Variants in CDC25C observed in about 807,000 individuals in gnomAD.
The protein encoded by CDC25C is M-phase inducer phosphatase 3.
CDC25C carries 48 observed loss-of-function variants against 52.5 expected under a neutral mutation model. The observed-to-expected ratio is 0.91, with a 90% CI of 0.72 to 1.16. The LOEUF (loss-of-function observed/expected upper bound fraction) is 1.16. Ranked by LOEUF, CDC25C falls within the 50% of genes most tolerant of loss-of-function variation. CDC25C has a pLI of 0.00. For missense variants in CDC25C, 510 were observed against 566.1 expected (o/e 0.90, Z 1.01); for synonymous variants, 187 against 206.5 (o/e 0.91, Z 0.81).
chr5:138,327,867 C>CTT (rs775143862), intron 4 of CDC25C, among the ~76,000 whole-genome samples: 4 of 142,522 alleles, frequency 2.8e-5, no homozygotes, highest in Non-Finnish European at 3.1e-5. Context: ...TCTGTACTTT[C>CTT]TTTTTTTTTT....
chr5:138,307,563 A>G (rs142864551), intron 7 of CDC25C, among the ~76,000 whole-genome samples: 234 of 151,984 alleles, frequency 1.5e-3, no homozygotes, highest in Non-Finnish European at 2.7e-3. Context: ...CATAAGAGTT[A>G]CAATCTAAGA....
At position 138,331,637 on chromosome 5, in the gene CDC25C, G is replaced by A. The variant is rs1205969289; in HGVS notation, c.-81C>T. On this transcript the variant is annotated 5_prime_UTR_variant, in exon 1 of 14. Transcript: ENST00000323760. ...AGGCTTGCCTACAAGAGGAGAGAAA[G>A]TAGATAGGGATCGGACACAGGCGAA... 4.0e-6 allele frequency: 4 copies of A among 1,005,464 alleles called. No individual in the cohort carries two copies. In the African/African-American group the frequency reaches 7.0e-5, roughly 17 times the overall value. The allele number at this position is 1,005,464 out of a possible 1,614,324, so 62.3% of individuals were successfully genotyped here.
chr5:138,306,031 C>G (rs1773250481), intron 7 of CDC25C, among the ~76,000 whole-genome samples: 1 of 152,180 alleles, frequency 6.6e-6, no homozygotes, highest in South Asian at 2.1e-4. Context: ...TGGCAGGGTG[C>G]CAGTAACGGT....
chr5:138,326,060 G>C lies in CDC25C; in HGVS notation c.336-6C>G, dbSNP rs368825031. 20 of 1,614,010 alleles carry C rather than the reference G, an allele frequency of 1.2e-5. No individual in the cohort carries two copies. The highest frequency in any genetic ancestry group is 1.6e-5 in the Non-Finnish European group (19 of 1,179,980). On this transcript the variant is annotated splice_region_variant and splice_polypyrimidine_tract_variant and intron_variant, in intron 4 of 13. Transcript: ENST00000323760. ...TTAGGTGCTGGTCATGATTCCTGCA[G>C]ATTAAAACAAACTGCCTGTCAGGTT...
At chr5:138,289,163 C>T (rs1315797046) in intron 10 of CDC25C, among the ~76,000 whole-genome samples, 5 of 152,028 alleles carry the variant, frequency 3.3e-5, no homozygotes, top group East Asian at 1.9e-4. Flanking sequence ...GATGGGGTTT[C>T]GCCATGTTGG....
intron 7 of CDC25C, among the ~76,000 whole-genome samples, chr5:138,305,335 T>C (rs1444125605): frequency 6.6e-6 from 1 of 152,248 alleles, no homozygotes; most frequent in Non-Finnish European, 1.5e-5. Context: ...GATTTCCTTT[T>C]GTTAGCCTCT....
At chr5:138,294,554 G>T (rs1261082058) in intron 7 of CDC25C, among the ~76,000 whole-genome samples, 2 of 146,988 alleles carry the variant, frequency 1.4e-5, no homozygotes, top group African/African-American at 5.1e-5. Flanking sequence ...ACCCAGGCTG[G>T]AGTGCAGTGG....
chr5:138,306,609 G>C (rs1758018894), intron 7 of CDC25C, among the ~76,000 whole-genome samples: 1 of 152,002 alleles, frequency 6.6e-6, no homozygotes, highest in African/African-American at 2.4e-5. Context: ...CCAAGTAGCT[G>C]AGATTACAGG....
chr5:138,303,631 A>G (rs1757791267), intron 7 of CDC25C, among the ~76,000 whole-genome samples: 1 of 152,118 alleles, frequency 6.6e-6, no homozygotes. Flanking sequence ...TCGCTCTTTC[A>G]GATGTCTGCT....
chr5:138,300,318 C>T (rs368261321), intron 7 of CDC25C, among the ~76,000 whole-genome samples: 7 of 152,254 alleles, frequency 4.6e-5, no homozygotes, highest in East Asian at 1.9e-4. Flanking sequence ...CATCTCTGCA[C>T]GTTGTGAGGC....
chr5:138,294,380 CG>C (rs1757009596), intron 7 of CDC25C, among the ~76,000 whole-genome samples: 1 of 148,308 alleles, frequency 6.7e-6, no homozygotes, highest in Non-Finnish European at 1.5e-5. Context: ...TTAGTAGAGA[CG>C]GGGTTTCACC....
At chr5:138,338,133 C>T (rs1309699541) in exon 1 of CDC25C, 20 of 1,289,700 alleles carry the variant, frequency 1.6e-5, no homozygotes, top group Admixed American at 4.6e-5. Flanking sequence ...GAGAGAGACA[C>T]GACACGGAGC....
At chr5:138,293,251 C>A (rs1005113643) in intron 7 of CDC25C, among the ~76,000 whole-genome samples, 2 of 152,152 alleles carry the variant, frequency 1.3e-5, no homozygotes, top group Admixed American at 1.3e-4. Flanking sequence ...TGGTTGAACA[C>A]ATCTATTTAG....
upstream of CDC25C, chr5:138,332,067 C>T (rs965966250): frequency 5.6e-5 from 11 of 196,320 alleles, no homozygotes; most frequent in Non-Finnish European, 7.4e-5. Flanking sequence ...GGGAGCCTGG[C>T]GCATCATTGG....
chr5:138,330,709 A>G (rs925829000), intron 2 of CDC25C, among the ~76,000 whole-genome samples: 2 of 152,176 alleles, frequency 1.3e-5, no homozygotes, highest in African/African-American at 2.4e-5. Flanking sequence ...GCGTCTTGCC[A>G]TGTTGCCCAG....
At chr5:138,285,962 T>G in intron 13 of CDC25C, 60 bp downstream of exon 13, 2 of 1,535,776 alleles carry the variant, frequency 1.3e-6, no homozygotes, top group East Asian at 2.2e-5. Context: ...CTCTGAAGGC[T>G]TTGCAGGCCC....
At chr5:138,338,349 G>A (rs540478572), upstream of CDC25C, 76 of 437,428 alleles carry the variant, frequency 1.7e-4, no homozygotes, top group Middle Eastern at 1.4e-3. Context: ...CTCGGGGCGG[G>A]CACCTCAACC....
At chr5:138,300,170 TAACAA>T (rs1311904701) in intron 7 of CDC25C, among the ~76,000 whole-genome samples, 1 of 151,966 alleles carries the variant, frequency 6.6e-6, no homozygotes, top group Non-Finnish European at 1.5e-5. Context: ...CAACTCCAAT[TAACAA>T]AACAAAACAA....
intron 10 of CDC25C, among the ~76,000 whole-genome samples, chr5:138,289,038 C>G (rs918789278): frequency 1.3e-5 from 2 of 152,154 alleles, no homozygotes; most frequent in African/African-American, 2.4e-5. Flanking sequence ...GATCTCTGCT[C>G]ACTGCAACCT....
Sources: allele counts gnomAD v4.1 joint callset (sites outside exome capture counted in the v4.1 genomes callset), GRCh38; gene constraint gnomAD v4.1.1; transcripts MANE v1.5; gene names NCBI Gene and HGNC (gene_info 2026-07-23, HGNC 2026-07-21).